Variants in SDK2 observed in about 807,000 individuals in gnomAD.
The protein encoded by SDK2 is sidekick cell adhesion molecule 2, also known as protein sidekick-2.
Under a neutral mutation model 253.9 loss-of-function variants are expected in SDK2, and 105 were observed. The ratio of observed to expected loss-of-function variants is 0.41; its 90% CI spans 0.35 to 0.49. The LOEUF is 0.49. Among genes scored for constraint, SDK2 ranks in the 20% least tolerant of loss-of-function variants. The pLI is 0.06. For missense variants in SDK2, 2,608 were observed against 3,003.0 expected (o/e 0.87, Z 3.07); for synonymous variants, 1,249 against 1,234.9 (o/e 1.01, Z -0.24).
chr17:73,509,807 G>A lies in SDK2; in HGVS notation c.65-2210C>T, dbSNP rs567673154. ...CCTAGCTACTTGGGAGGCTGAGGCAGGAGAATCGCTTAAACTCAGGAGGCG... is the reference window on the plus strand; with the variant it reads ...CCTAGCTACTTGGGAGGCTGAGGCAAGAGAATCGCTTAAACTCAGGAGGCG... On this transcript the variant is annotated intron_variant, in intron 1 of 44. Coordinates refer to ENST00000392650, the MANE Select transcript of SDK2 (RefSeq NM_001144952.2). 1.3e-4 allele frequency among the ~76,000 whole-genome samples: 19 copies of A among 149,174 alleles called. No individual in the cohort carries two copies. In the East Asian group the frequency reaches 2.2e-3, roughly 17 times the overall value.
rs938940154 is a variant in SDK2 at position 73,400,999 on chromosome 17, G to A, written c.2971+21C>T. ...TGCTCAGGAGAACTCAAAGAGTCCT[G>A]CCTTGAGAGTGGGCACTTACCTGGG... On this transcript the variant is annotated intron_variant, in intron 21 of 44. Coordinates refer to ENST00000392650, the MANE Select transcript of SDK2 (RefSeq NM_001144952.2). The A allele has an allele frequency of 3.2e-6, 5 of 1,555,496 alleles. No individual in the cohort carries two copies. In the Admixed American group the frequency reaches 9.6e-5, roughly 30 times the overall value.
chr17:73,412,153 C>T (rs12938460), intron 18 of SDK2, among the ~76,000 whole-genome samples: 34 of 5,164 alleles, frequency 6.6e-3, no homozygotes, highest in African/African-American at 9.4e-3. Flanking sequence ...TGTATATATA[C>T]GTATATATGT....
rs2063382042 is a variant in SDK2 at position 73,437,837 on chromosome 17, A to G, written c.917-15T>C. 1.2e-6 allele frequency: 2 copies of G among 1,613,454 alleles called. No individual in the cohort carries two copies. The highest frequency in any genetic ancestry group is 1.7e-6 in the Non-Finnish European group (2 of 1,179,550). On this transcript the variant is annotated splice_polypyrimidine_tract_variant and intron_variant, in intron 7 of 44. Coordinates refer to ENST00000392650, the MANE Select transcript of SDK2 (RefSeq NM_001144952.2). ...CTGAGGCGGTTCTGCAGGAGGAAGG[A>G]CCAGGGGAGGGGGTCAGAGCCATGC...
intron 1 of SDK2, among the ~76,000 whole-genome samples, chr17:73,613,845 G>C (rs915433305): frequency 6.6e-6 from 1 of 152,214 alleles, no homozygotes; most frequent in African/African-American, 2.4e-5. Context: ...CACAGGGAAG[G>C]AATTAGCCAA....
At chr17:73,425,201 C>T (rs766065092) in intron 12 of SDK2, among the ~76,000 whole-genome samples, 25 of 151,972 alleles carry the variant, frequency 1.6e-4, no homozygotes, top group Non-Finnish European at 3.1e-4. Context: ...GCCTGGGCGA[C>T]ACAGCAAAAC....
chr17:73,361,581 T>A lies in SDK2; in HGVS notation c.5467+103A>T, dbSNP rs1599484126. On this transcript the variant is annotated intron_variant, in intron 39 of 44. Transcript: ENST00000392650. The surrounding 1 kb of genome is among the most constrained non-coding windows in gnomAD (Gnocchi z 4.1). ...GGAAAGAGTGAGCTCTGTCCTCCAC[T>A]CTGTTTCCAGGGTCCAGCACAGCTC... The A allele has an allele frequency of 1.1e-6, 1 of 922,034 alleles. No homozygotes were observed. The highest frequency in any genetic ancestry group is 1.6e-6 in the Non-Finnish European group (1 of 618,214). The allele number at this position is 922,034 out of a possible 1,614,324, so 57.1% of individuals were successfully genotyped here.
In SDK2 at chr17:73,412,035, C is replaced by CGTATATATATGTATATACGTATAT. The variant is rs1568389257; in HGVS notation, c.2484+2585_2484+2608dup. On this transcript the variant is annotated intron_variant, in intron 18 of 44. Transcript: ENST00000392650. ...GTAGATATACGTATATGTATATATA[C>CGTATATATATGTATATACGTATAT]GTATATATATGTATATACGTATATG... is the stretch of plus-strand genomic sequence containing the variant. Among the ~76,000 whole-genome samples the CGTATATATATGTATATACGTATAT allele has an allele frequency of 7.0e-3, 17 of 2,446 alleles. 3 individuals are homozygous for CGTATATATATGTATATACGTATAT. The highest frequency in any genetic ancestry group is 0.013 in the African/African-American group (15 of 1,136). 1.6% of individuals were successfully genotyped at this position (2,446 alleles called of 152,430 possible).
At position 73,368,425 on chromosome 17, in the gene SDK2, C is replaced by A; in HGVS notation, c.5149G>T (p.Gly1717Cys). 6.3e-7 allele frequency: 1 copy of A among 1,578,548 alleles called. No individual in the cohort carries two copies. ...CTCCCACCTGCTTGCTGGGTCTGGC[C>A]TTGGGTGGGGGTGCTCCGAGGCCCA... The part of the protein sequence containing the change: ...GDGPRSTPTQ[G>C]QTQQAAPSAP... Residue 1717 changes from glycine to cysteine, a missense_variant, in exon 37 of 45, where the codon GGC (glycine) becomes TGC (cysteine). Physicochemically the swap from Gly to Cys is radical, Grantham distance 159. Coordinates refer to ENST00000392650, the MANE Select transcript of SDK2 (RefSeq NM_001144952.2).
rs371257799 is a variant in SDK2 at position 73,390,408 on chromosome 17, G to T, written c.4071C>A (p.Ala1357=). ...TATVEVLAPS[A]RQYTATGLKP... ...TGAGGCCCGTGGCTGTGTACTGCCGGGCGCTGGGTGCCAGCACCTCCACAG... is the reference window on the plus strand; with the variant it reads ...TGAGGCCCGTGGCTGTGTACTGCCGTGCGCTGGGTGCCAGCACCTCCACAG... Residue 1357 remains alanine (A), a synonymous_variant, in exon 29 of 45, where the codon GCC becomes GCA. Transcript: ENST00000392650. 7.0e-4 allele frequency: 1,126 copies of T among 1,612,884 alleles called. 28 individuals carry two copies. The South Asian group carries it at 0.01, about 15-fold the overall frequency.
intron 1 of SDK2, among the ~76,000 whole-genome samples, chr17:73,589,780 G>A (rs535826438): frequency 6.6e-6 from 1 of 152,374 alleles, no homozygotes; most frequent in East Asian, 1.9e-4. Flanking sequence ...CAGGAGGCAA[G>A]CCGCACATTT....
intron 44 of SDK2, among the ~76,000 whole-genome samples, chr17:73,341,591 A>C (rs1175038021): frequency 6.6e-6 from 1 of 152,144 alleles, no homozygotes. Flanking sequence ...GTAGAACATA[A>C]AAGCCAGTTA....
chr17:73,491,225 A>G (rs1454236641), intron 2 of SDK2, among the ~76,000 whole-genome samples: 2 of 152,138 alleles, frequency 1.3e-5, no homozygotes, highest in Non-Finnish European at 2.9e-5. Context: ...GCACCCTGAC[A>G]TGGCTCAACA....
At chr17:73,353,184 G>C (rs1464299455) in intron 40 of SDK2, among the ~76,000 whole-genome samples, 1 of 152,062 alleles carries the variant, frequency 6.6e-6, no homozygotes, top group Non-Finnish European at 1.5e-5. Context: ...AGAAAGTACT[G>C]TCACAACCAA....
rs778857817 is a variant in SDK2, at chr17:73,431,663, C to T, written c.1319G>A (p.Arg440His). The T allele has an allele frequency of 1.7e-5, 27 of 1,606,844 alleles. No homozygotes were observed. The highest frequency in any genetic ancestry group is 5.1e-5 in the Admixed American group (3 of 59,342). Residue 440 changes from arginine to histidine, a missense_variant, in exon 11 of 45, where the codon CGC becomes CAC. Arg to His is a conservative substitution (Grantham distance 29). Coordinates refer to ENST00000392650, the MANE Select transcript of SDK2 (RefSeq NM_001144952.2). This position sits in a 1 kb window ranked among gnomAD's most constrained non-coding sequence, Gnocchi z 5.6. ...CTGCACAGAGCCACTGGCCAAGATG[C>T]GCTCCCCTGAGGGCAAAACAGGGTG... is the stretch of plus-strand genomic sequence containing the variant. ...RPAITWQKGE[R>H]ILASGSVQLP... is the part of the protein sequence containing the mutation.
intron 3 of SDK2, among the ~76,000 whole-genome samples, chr17:73,469,491 G>T (rs1002446525): frequency 1.3e-5 from 2 of 152,244 alleles, no homozygotes; most frequent in African/African-American, 4.8e-5. Context: ...GCCCAGGTCT[G>T]TCTGAGCCCT....
chr17:73,563,257 A>G (rs565363273), intron 1 of SDK2, among the ~76,000 whole-genome samples: 2 of 152,298 alleles, frequency 1.3e-5, no homozygotes, highest in South Asian at 4.1e-4. Context: ...TATAGCTCAA[A>G]TATCTTAGGG....
chr17:73,380,496 G>A (rs969633690), intron 34 of SDK2, among the ~76,000 whole-genome samples: 2 of 152,160 alleles, frequency 1.3e-5, no homozygotes, highest in Non-Finnish European at 2.9e-5. Flanking sequence ...CAGGTGTGGG[G>A]CCAGACTGTA....
chr17:73,447,763 A>G lies in SDK2; in HGVS notation c.480-15T>C, dbSNP rs964597419. ...GCGTGATGGCTCTGGGAAGAGGAAA[A>G]GGATTCCTCTGACAGGGGCCTAAGG... On this transcript the variant is annotated splice_polypyrimidine_tract_variant and intron_variant, in intron 4 of 44. Coordinates refer to ENST00000392650, the MANE Select transcript of SDK2 (RefSeq NM_001144952.2). The surrounding 1 kb of genome is among the most constrained non-coding windows in gnomAD (Gnocchi z 4.0). 4 of 1,551,442 alleles carry G rather than the reference A, an allele frequency of 2.6e-6. No individual in the cohort carries two copies. The highest frequency in any genetic ancestry group is 3.5e-6 in the Non-Finnish European group (4 of 1,146,872).
At chr17:73,393,532 C>T (rs1429280873) in intron 27 of SDK2, 28 bp downstream of exon 27, 2 of 1,502,416 alleles carry the variant, frequency 1.3e-6, no homozygotes, top group Non-Finnish European at 1.8e-6. Flanking sequence ...TCCCAGCCTT[C>T]CCCAAGCTTG....
Sources: allele counts gnomAD v4.1 joint callset (sites outside exome capture counted in the v4.1 genomes callset), GRCh38; gene constraint gnomAD v4.1.1; non-coding constraint Gnocchi (gnomAD v3.1); transcripts MANE v1.5; gene names NCBI Gene and HGNC (gene_info 2026-07-23, HGNC 2026-07-21).